The following CSMD1 variants were observed in gnomAD, a reference collection of about 807,000 sequenced individuals.
The protein encoded by CSMD1 is CUB and sushi domain-containing protein 1.
CSMD1 carries 213 observed loss-of-function variants against 417.5 expected under a neutral mutation model. That is an observed-to-expected ratio of 0.51 (90% CI 0.46 to 0.57). The LOEUF (loss-of-function observed/expected upper bound fraction) is 0.57, where lower values mean the gene tolerates loss of function less well. Ranked by LOEUF, CSMD1 falls within the 20% of genes least tolerant of loss-of-function variation. The pLI, the probability that CSMD1 is intolerant of heterozygous loss-of-function variation, is 0.00. For missense variants in CSMD1, 6,923 were observed against 4,529.7 expected (o/e 1.53, Z -15.17); for synonymous variants, 2,862 against 1,736.8 (o/e 1.65, Z -16.11).
At chr8:4,588,857 T>G (rs1356672596) in intron 2 of CSMD1, among the ~76,000 whole-genome samples, 1 of 151,936 alleles carries the variant, frequency 6.6e-6, no homozygotes, top group Non-Finnish European at 1.5e-5. Flanking sequence ...CTGCTCAAGC[T>G]TCCACTGACG....
chr8:4,744,024 C>T (rs1810793761), intron 1 of CSMD1, among the ~76,000 whole-genome samples: 1 of 152,246 alleles, frequency 6.6e-6, no homozygotes, highest in Admixed American at 6.5e-5. Flanking sequence ...GCATCCACGC[C>T]AGGCTGGCAC....
intron 5 of CSMD1, among the ~76,000 whole-genome samples, chr8:3,834,106 T>C (rs1489831155): frequency 6.6e-6 from 1 of 152,234 alleles, no homozygotes; most frequent in Non-Finnish European, 1.5e-5. Flanking sequence ...AAATTGTTTT[T>C]GTTTTCCTTA....
intron 8 of CSMD1, among the ~76,000 whole-genome samples, chr8:3,613,809 A>G (rs1802008509): frequency 6.6e-6 from 1 of 151,954 alleles, no homozygotes. Flanking sequence ...CCAACAAGCA[A>G]TGTCATAACT....
At chr8:3,892,804 C>T (rs760937950) in intron 5 of CSMD1, among the ~76,000 whole-genome samples, 5 of 142,932 alleles carry the variant, frequency 3.5e-5, no homozygotes, top group Non-Finnish European at 6.0e-5. Context: ...TCTACGTGAA[C>T]TCAGGTGAGC....
intron 12 of CSMD1, among the ~76,000 whole-genome samples, chr8:3,459,294 G>A (rs1816348991): frequency 6.6e-6 from 1 of 152,174 alleles, no homozygotes; most frequent in Non-Finnish European, 1.5e-5. Flanking sequence ...AGGAGAGACA[G>A]GCCGGTGTGT....
chr8:4,075,372 G>C (rs970776148), intron 3 of CSMD1, among the ~76,000 whole-genome samples: 1 of 151,606 alleles, frequency 6.6e-6, no homozygotes, highest in African/African-American at 2.4e-5. Flanking sequence ...ATTTTTTTTT[G>C]ATGCTAAAGA....
chr8:4,623,913 T>C (rs955937813), intron 2 of CSMD1, among the ~76,000 whole-genome samples: 6 of 152,132 alleles, frequency 3.9e-5, no homozygotes, highest in African/African-American at 1.4e-4. Flanking sequence ...GTTAGCTTGA[T>C]GGTGGTGGTG....
At chr8:4,038,510 T>C (rs1238162843) in intron 3 of CSMD1, among the ~76,000 whole-genome samples, 2 of 152,226 alleles carry the variant, frequency 1.3e-5, no homozygotes, top group African/African-American at 2.4e-5. Flanking sequence ...CCCAATGTCA[T>C]TTCTGCCAAT....
intron 55 of CSMD1, among the ~76,000 whole-genome samples, chr8:2,975,160 TAATC>T (rs1031611465): frequency 2.6e-5 from 4 of 152,186 alleles, no homozygotes; most frequent in African/African-American, 7.2e-5. Flanking sequence ...AAAATAATAA[TAATC>T]AATTATTGAT....
At chr8:4,646,121 A>C (rs1803501595) in intron 1 of CSMD1, among the ~76,000 whole-genome samples, 1 of 152,252 alleles carries the variant, frequency 6.6e-6, no homozygotes. Flanking sequence ...ATATTTCAAT[A>C]ATGCAAGTTA....
intron 68 of CSMD1, among the ~76,000 whole-genome samples, chr8:2,947,379 A>T (rs1452752724): frequency 6.6e-6 from 1 of 152,206 alleles, no homozygotes; most frequent in African/African-American, 2.4e-5. Flanking sequence ...TCATTCTTAA[A>T]TGAATGGTTG....
intron 1 of CSMD1, among the ~76,000 whole-genome samples, chr8:4,967,241 G>T (rs558680366): frequency 3.3e-5 from 5 of 152,134 alleles, no homozygotes; most frequent in Admixed American, 3.3e-4. Context: ...ATCAAAGTTG[G>T]ATAATACTTA....
chr8:4,495,400 C>T (rs1257852502), intron 2 of CSMD1, among the ~76,000 whole-genome samples: 5 of 151,966 alleles, frequency 3.3e-5, no homozygotes, highest in Non-Finnish European at 5.9e-5. Context: ...GTGGTGAAAC[C>T]CCATCTCTAC....
chr8:4,252,011 C>G (rs765726884), intron 3 of CSMD1, among the ~76,000 whole-genome samples: 4 of 151,940 alleles, frequency 2.6e-5, no homozygotes, highest in Non-Finnish European at 4.4e-5. Context: ...AGAGAACTTA[C>G]GTATTTTTGA....
chr8:3,272,071 G>A (rs1281138209), intron 26 of CSMD1, among the ~76,000 whole-genome samples: 3 of 148,756 alleles, frequency 2.0e-5, no homozygotes, highest in Non-Finnish European at 3.0e-5. Flanking sequence ...TAGGTCTAAT[G>A]TTTAAGTCTT....
intron 2 of CSMD1, among the ~76,000 whole-genome samples, chr8:4,464,896 T>C (rs1415232416): frequency 6.6e-6 from 1 of 152,142 alleles, no homozygotes; most frequent in East Asian, 1.9e-4. Flanking sequence ...TTTTATTAGT[T>C]TTATTAGCCT....
At chr8:4,960,432 CT>C (rs1369576739) in intron 1 of CSMD1, among the ~76,000 whole-genome samples, 6 of 152,310 alleles carry the variant, frequency 3.9e-5, no homozygotes, top group South Asian at 4.1e-4. Context: ...CTGTTGAAAA[CT>C]ACTTTCACCT....
chr8:4,362,438 G>C (rs1213681053), intron 3 of CSMD1, among the ~76,000 whole-genome samples: 2 of 152,170 alleles, frequency 1.3e-5, no homozygotes, highest in African/African-American at 4.8e-5. Flanking sequence ...TGGACAAGAA[G>C]AGTTTTGTTA....
At chr8:3,031,815 G>C (rs1810357138) in intron 50 of CSMD1, among the ~76,000 whole-genome samples, 1 of 149,772 alleles carries the variant, frequency 6.7e-6, no homozygotes, top group African/African-American at 2.4e-5. Context: ...ATGGTATTTG[G>C]TTTGGTTTGT....
Sources: gnomAD v4.1 joint callset for allele counts (sites outside exome capture counted in the v4.1 genomes callset) on GRCh38, gnomAD v4.1.1 for gene constraint, MANE v1.5 for transcripts, NCBI Gene and HGNC (gene_info 2026-07-23, HGNC 2026-07-21) for gene names.